Variants in SETBP1 observed in about 807,000 individuals in gnomAD.
SETBP1 encodes the protein SET binding protein 1.
A neutral mutation model predicts 101.0 loss-of-function variants in SETBP1; 9 were observed. The ratio of observed to expected loss-of-function variants is 0.09; its 90% CI spans 0.05 to 0.16. SETBP1 has a LOEUF of 0.16. SETBP1 is among the 10% of genes least tolerant of loss of function. The pLI is 1.00. For missense variants in SETBP1, 1,858 were observed against 2,033.8 expected (o/e 0.91, Z 1.66); for synonymous variants, 818 against 788.5 (o/e 1.04, Z -0.63).
intron 4 of SETBP1, among the ~76,000 whole-genome samples, chr18:44,984,214 C>T (rs921847486): frequency 1.3e-5 from 2 of 152,102 alleles, no homozygotes; most frequent in African/African-American, 4.8e-5. Flanking sequence ...AAACAAAAAC[C>T]ATGTATCAGT....
chr18:44,765,673 G>T (rs950941888), intron 2 of SETBP1, among the ~76,000 whole-genome samples: 1 of 152,146 alleles, frequency 6.6e-6, no homozygotes, highest in Non-Finnish European at 1.5e-5. Context: ...TCTTTATTAA[G>T]CAGTAATAGC....
At chr18:44,775,909 A>G (rs563391695) in intron 2 of SETBP1, among the ~76,000 whole-genome samples, 1 of 152,138 alleles carries the variant, frequency 6.6e-6, no homozygotes, top group Non-Finnish European at 1.5e-5. Context: ...TTGCACTTTG[A>G]TCTCTACATA....
chr18:44,708,026 C>T (rs551407670), intron 2 of SETBP1, among the ~76,000 whole-genome samples: 2 of 152,252 alleles, frequency 1.3e-5, no homozygotes, highest in Admixed American at 6.5e-5. Flanking sequence ...GTAGCAATTT[C>T]GTTTACACGT....
chr18:44,980,282 C>T (rs1014133021), intron 4 of SETBP1, among the ~76,000 whole-genome samples: 10 of 152,064 alleles, frequency 6.6e-5, no homozygotes, highest in African/African-American at 2.4e-4. Context: ...GCACAGTAAA[C>T]TGTTTTTAGG....
intron 2 of SETBP1, among the ~76,000 whole-genome samples, chr18:44,843,764 A>G (rs2072668995): frequency 6.6e-6 from 1 of 152,132 alleles, no homozygotes; most frequent in Admixed American, 6.5e-5. Flanking sequence ...TGGTTTATCC[A>G]TCAGTTTCTC....
chr18:44,959,867 A>G (rs2071572441), intron 4 of SETBP1, among the ~76,000 whole-genome samples: 1 of 152,184 alleles, frequency 6.6e-6, no homozygotes, highest in East Asian at 1.9e-4. Context: ...AAAGGTATGT[A>G]AGTGGAAACA....
chr18:44,695,471 G>T (rs933321595), intron 1 of SETBP1, among the ~76,000 whole-genome samples: 1 of 152,236 alleles, frequency 6.6e-6, no homozygotes, highest in Admixed American at 6.5e-5. Context: ...AATCAGGCCA[G>T]CCTCTGTTTT....
At chr18:44,720,125 G>T (rs1336030876) in intron 2 of SETBP1, among the ~76,000 whole-genome samples, 1 of 152,122 alleles carries the variant, frequency 6.6e-6, no homozygotes, top group East Asian at 1.9e-4. Context: ...GATAGATATT[G>T]CATACAATCT....
At chr18:44,928,206 T>C (rs1276736088) in intron 3 of SETBP1, among the ~76,000 whole-genome samples, 1 of 152,208 alleles carries the variant, frequency 6.6e-6, no homozygotes, top group Non-Finnish European at 1.5e-5. Context: ...TGTGATAGTT[T>C]GCTCAGAATG....
chr18:45,035,047 A>G (rs2073370044), intron 4 of SETBP1, among the ~76,000 whole-genome samples: 1 of 150,810 alleles, frequency 6.6e-6, no homozygotes. Context: ...ATCAGTCACC[A>G]CCTGGAATGA....
At chr18:45,030,162 C>G (rs1454806666) in intron 4 of SETBP1, among the ~76,000 whole-genome samples, 1 of 145,952 alleles carries the variant, frequency 6.9e-6, no homozygotes, top group Non-Finnish European at 1.5e-5. Context: ...ATAGATAGCT[C>G]TTATTATTTT....
chr18:44,759,313 G>T (rs1431232281), intron 2 of SETBP1, among the ~76,000 whole-genome samples: 1 of 152,134 alleles, frequency 6.6e-6, no homozygotes. Flanking sequence ...CTCTGCAGTT[G>T]CCCCCAAGAA....
intron 3 of SETBP1, 32 bp downstream of exon 3, chr18:44,869,315 G>A (rs2069215079): frequency 6.2e-7 from 1 of 1,604,482 alleles, no homozygotes; most frequent in Non-Finnish European, 8.5e-7. Flanking sequence ...AAGAAGTTTG[G>A]AAGAGTAAAA....
intron 3 of SETBP1, among the ~76,000 whole-genome samples, chr18:44,922,339 G>A (rs1388220478): frequency 2.0e-5 from 3 of 152,344 alleles, no homozygotes; most frequent in South Asian, 4.1e-4. Context: ...TAACCATAGA[G>A]CTAGAGCCAG....
chr18:45,044,352 T>C (rs1568047677), intron 5 of SETBP1, among the ~76,000 whole-genome samples: 2 of 152,212 alleles, frequency 1.3e-5, no homozygotes, highest in South Asian at 2.1e-4. Flanking sequence ...TATGGGCTCA[T>C]GCTGAAGCCT....
rs145038301 is a variant in SETBP1 at position 44,903,922 on chromosome 18, A to G, written c.540+34639A>G. ...CTGATGTTGTTATTTAATAATTGAC[A>G]TCTTATTTATTTTTCCTTATATATA... On this transcript the variant is annotated intron_variant, in intron 3 of 5. Coordinates refer to ENST00000649279, the MANE Select transcript of SETBP1 (RefSeq NM_015559.3). Among the ~76,000 whole-genome samples, 469 of 152,290 alleles carry G rather than the reference A, an allele frequency of 3.1e-3. 3 individuals carry two copies. The highest frequency in any genetic ancestry group is 0.011 in the African/African-American group (441 of 41,566).
chr18:45,026,769 TGTCC>T (rs1359998460), intron 4 of SETBP1, among the ~76,000 whole-genome samples: 1 of 152,170 alleles, frequency 6.6e-6, no homozygotes, highest in South Asian at 2.1e-4. Context: ...TGTTTGGTTC[TGTCC>T]ATCTGTGCTT....
intron 2 of SETBP1, among the ~76,000 whole-genome samples, chr18:44,783,797 G>T (rs771244856): frequency 6.6e-6 from 1 of 152,224 alleles, no homozygotes; most frequent in Non-Finnish European, 1.5e-5. Context: ...TGAAAAACCT[G>T]TAAGAGGTGA....
chr18:44,896,419 A>C (rs916472518), intron 3 of SETBP1, among the ~76,000 whole-genome samples: 2 of 152,184 alleles, frequency 1.3e-5, no homozygotes, highest in Admixed American at 1.3e-4. Flanking sequence ...ATATTGTACA[A>C]GTCTAATTAT....
Sources: allele counts gnomAD v4.1 joint callset (sites outside exome capture counted in the v4.1 genomes callset), GRCh38; gene constraint gnomAD v4.1.1; transcripts MANE v1.5; gene names NCBI Gene and HGNC (gene_info 2026-07-23, HGNC 2026-07-21).